PER2: variants seen among roughly 807,000 people sequenced by gnomAD.
The protein encoded by PER2 is period circadian regulator 2.
A neutral mutation model predicts 121.0 loss-of-function variants in PER2; 66 were observed. That is an observed-to-expected ratio of 0.55 (90% CI 0.45 to 0.67). The LOEUF (loss-of-function observed/expected upper bound fraction) is 0.67. Ranked by LOEUF, PER2 falls within the 30% of genes least tolerant of loss-of-function variation. The probability of loss-of-function intolerance (pLI) is 0.00; values close to 1 mark genes in which losing one functional copy is unlikely to be tolerated. For missense variants in PER2, 1,521 were observed against 1,635.0 expected, an observed-to-expected ratio of 0.93 and a Z score of 1.20; for synonymous variants, 684 against 659.9, an observed-to-expected ratio of 1.04 and a Z score of -0.56.
chr2:238,280,462 C>A (rs1001040594), intron 1 of PER2, among the ~76,000 whole-genome samples: 4 of 152,298 alleles, frequency 2.6e-5, no homozygotes, highest in East Asian at 3.9e-4. Context: ...GAGGAAGCAG[C>A]AAATTAAGAC....
At position 238,246,479 on chromosome 2, in the gene PER2, G is replaced by T; in HGVS notation, c.3664C>A (p.Pro1222Thr). 1 of 1,589,902 alleles carries T rather than the reference G, an allele frequency of 6.3e-7. No homozygotes were observed. The highest frequency in any genetic ancestry group is 8.6e-7 in the Non-Finnish European group (1 of 1,158,172). The change falls in exon 23 of 23, where the codon CCA becomes ACA. Residue 1222 changes from proline (P) to threonine (T), a missense_variant. Pro to Thr is a conservative substitution (Grantham distance 38). Coordinates refer to ENST00000254657, the MANE Select transcript of PER2 (RefSeq NM_022817.3). ...ENKEKGNICI[P>T]YEEDIPSLGL... ...AGAGAAGGAATATCTTCCTCATATGGTATGCAAATATTACCTTTTTCCTTG... is the reference window on the plus strand; with the variant it reads ...AGAGAAGGAATATCTTCCTCATATGTTATGCAAATATTACCTTTTTCCTTG...
In PER2 at chr2:238,251,092, T is replaced by C. The variant is rs117160906; in HGVS notation, c.3275-349A>G. On this transcript the variant is annotated intron_variant, in intron 20 of 22. Coordinates refer to ENST00000254657, the MANE Select transcript of PER2 (RefSeq NM_022817.3). ...TTCCCACAAGGGGAGGCAGCTGGCC[T>C]GGAGCGCTCCCTAGCCAGCCTCACC... 1.8e-4 allele frequency among the ~76,000 whole-genome samples: 28 copies of C among 152,352 alleles called. No homozygotes were observed. In the East Asian group the frequency reaches 5.2e-3, roughly 28 times the overall value.
intron 14 of PER2, among the ~76,000 whole-genome samples, chr2:238,259,535 G>A (rs1695862504): frequency 6.6e-6 from 1 of 152,236 alleles, no homozygotes; most frequent in South Asian, 2.1e-4. Flanking sequence ...TGTGGATGCT[G>A]GGCAAACCGT....
At chr2:238,271,534 T>C in intron 5 of PER2, 21 bp from the exon 6 acceptor site, 2 of 1,586,726 alleles carry the variant, frequency 1.3e-6, no homozygotes, top group Non-Finnish European at 1.7e-6. Flanking sequence ...AGAGTAGGGC[T>C]CTGATGACAA....
intron 22 of PER2, 90 bp from the exon 23 acceptor site, chr2:238,246,614 C>A (rs536148212): frequency 1.2e-6 from 1 of 847,360 alleles, no homozygotes; most frequent in African/African-American, 1.7e-5. Context: ...CGGTGGCTCA[C>A]GCCTGTAATC....
intron 2 of PER2, 104 bp downstream of exon 2, chr2:238,277,603 G>T: frequency 7.5e-7 from 1 of 1,327,660 alleles, no homozygotes; most frequent in Non-Finnish European, 1.1e-6. Flanking sequence ...TGAAAAACTT[G>T]GTAATCATGA....
chr2:238,266,759 C>T (rs1209877328), intron 8 of PER2, among the ~76,000 whole-genome samples: 3 of 152,266 alleles, frequency 2.0e-5, no homozygotes, highest in African/African-American at 4.8e-5. Context: ...GTCATTTGGC[C>T]GGGCGCGGTG....
At chr2:238,274,186 G>A (rs146497950) in intron 4 of PER2, among the ~76,000 whole-genome samples, 84 of 152,328 alleles carry the variant, frequency 5.5e-4, no homozygotes, top group African/African-American at 2.0e-3. Context: ...CGTCATCCTG[G>A]GTGTATCCGG....
At chr2:238,278,291 G>A (rs1696521008) in intron 1 of PER2, among the ~76,000 whole-genome samples, 1 of 152,054 alleles carries the variant, frequency 6.6e-6, no homozygotes, top group East Asian at 1.9e-4. Flanking sequence ...GACTGGTCTC[G>A]AACTCCTGAA....
chr2:238,295,958 C>T, the PER2 span: 1 of 255,970 alleles, frequency 3.9e-6, no homozygotes. Flanking sequence ...GTGACACGTG[C>T]TGCTGAATGA....
At chr2:238,286,673 G>C (rs1696798587) in intron 1 of PER2, among the ~76,000 whole-genome samples, 1 of 152,198 alleles carries the variant, frequency 6.6e-6, no homozygotes, top group South Asian at 2.1e-4. Flanking sequence ...GTTTTCAAAA[G>C]GTAAAAGCAC....
intron 8 of PER2, among the ~76,000 whole-genome samples, chr2:238,266,628 C>CT (rs1258760198): frequency 1.3e-5 from 2 of 152,206 alleles, no homozygotes; most frequent in Admixed American, 1.3e-4. Flanking sequence ...TTGTTGAACT[C>CT]TAAGTACCCT....
Position 238,268,074 on chromosome 2 carries a change from C to T in PER2, c.949G>A (p.Val317Met), listed in dbSNP as rs772638050. The T allele has an allele frequency of 4.3e-6, 7 of 1,614,032 alleles. No individual in the cohort carries two copies. The highest frequency in any genetic ancestry group is 5.9e-6 in the Non-Finnish European group (7 of 1,180,008). The part of the protein sequence containing the change: ...QLCCLLLAER[V>M]HSGYEAPRIP... ...CTGTTACCTTCATAACCAGAGTGCACTCTCTCTGCCAGCAGAAGGCAGCAA... is the reference window on the plus strand; with the variant it reads ...CTGTTACCTTCATAACCAGAGTGCATTCTCTCTGCCAGCAGAAGGCAGCAA... The change falls in exon 8 of 23, where the codon GTG becomes ATG. Residue 317 changes from valine to methionine, a missense_variant. Physicochemically the swap from Val to Met is conservative, Grantham distance 21 (BLOSUM62 1). Coordinates refer to ENST00000254657, the MANE Select transcript of PER2 (RefSeq NM_022817.3). The surrounding 1 kb of genome is among the most constrained non-coding windows in gnomAD (Gnocchi z 4.0).
chr2:238,279,779 C>T (rs1348173512), intron 1 of PER2, among the ~76,000 whole-genome samples: 1 of 152,196 alleles, frequency 6.6e-6, no homozygotes, highest in Non-Finnish European at 1.5e-5. Context: ...GGATCATTTT[C>T]AGCAGCCCTA....
chr2:238,265,619 G>A (rs1396533125), intron 8 of PER2, 29 bp from the exon 9 acceptor site: 7 of 1,319,764 alleles, frequency 5.3e-6, no homozygotes, highest in Non-Finnish European at 7.7e-6. Context: ...GCACACATTT[G>A]TGATCCTAAG....
At chr2:238,256,300 C>T (rs964790585) in intron 17 of PER2, among the ~76,000 whole-genome samples, 1 of 152,208 alleles carries the variant, frequency 6.6e-6, no homozygotes, top group African/African-American at 2.4e-5. Context: ...ACCCTATGGG[C>T]CCATGGGGCA....
upstream of PER2, among the ~76,000 whole-genome samples, chr2:238,290,680 T>C (rs1696934219): frequency 6.6e-6 from 1 of 152,190 alleles, no homozygotes; most frequent in African/African-American, 2.4e-5. Flanking sequence ...TTTCCTATTA[T>C]TGGAAATTTG....
At chr2:238,260,997 T>C in intron 12 of PER2, 44 bp from the exon 13 acceptor site, 1 of 1,600,838 alleles carries the variant, frequency 6.2e-7, no homozygotes, top group South Asian at 1.1e-5. Flanking sequence ...CCAGGGCTGC[T>C]GAGCTATGCA....
upstream of PER2, chr2:238,288,642 AC>A (rs1217216612): frequency 1.3e-5 from 2 of 149,598 alleles, no homozygotes; most frequent in East Asian, 3.9e-4. Flanking sequence ...CGCGCCACTT[AC>A]CGCCGGCCGC....
Sources: allele counts gnomAD v4.1 joint callset (sites outside exome capture counted in the v4.1 genomes callset), GRCh38; gene constraint gnomAD v4.1.1; non-coding constraint Gnocchi (gnomAD v3.1); transcripts MANE v1.5; gene names NCBI Gene and HGNC (gene_info 2026-07-23, HGNC 2026-07-21).